The following ATP6V1H variants were observed in gnomAD, a reference collection of about 807,000 sequenced individuals.
The protein encoded by ATP6V1H is V-type proton ATPase subunit H.
In ATP6V1H, 39 loss-of-function variants were observed where a neutral mutation model predicts 71.7. The ratio of observed to expected loss-of-function variants is 0.54; its 90% CI spans 0.42 to 0.71. The LOEUF is 0.71. Among genes scored for constraint, ATP6V1H ranks in the 30% least tolerant of loss-of-function variants. The pLI is 0.00. For missense variants in ATP6V1H, 509 were observed against 594.9 expected (o/e 0.86, Z 1.50); for synonymous variants, 192 against 199.3 (o/e 0.96, Z 0.31).
intron 9 of ATP6V1H, among the ~76,000 whole-genome samples, chr8:53,782,485 A>T (rs1368023176): frequency 1.3e-3 from 205 of 151,956 alleles, no homozygotes; most frequent in African/African-American, 4.8e-3. Flanking sequence ...TGTCATCTGC[A>T]AACAGGGACA....
intron 5 of ATP6V1H, 113 bp from the exon 6 acceptor site, chr8:53,814,879 C>G (rs1382225699): frequency 1.7e-6 from 1 of 600,242 alleles, no homozygotes; most frequent in East Asian, 3.1e-5. Flanking sequence ...AACACTCAAC[C>G]CCTCTAAAAA....
chr8:53,750,642 G>A (rs1460525167), intron 12 of ATP6V1H, among the ~76,000 whole-genome samples: 4 of 151,952 alleles, frequency 2.6e-5, no homozygotes, highest in Admixed American at 6.6e-5. Flanking sequence ...GTTGTCAACC[G>A]ACAAAGGTTA....
chr8:53,829,025 C>A (rs1810910493), intron 4 of ATP6V1H, among the ~76,000 whole-genome samples: 1 of 152,070 alleles, frequency 6.6e-6, no homozygotes, highest in African/African-American at 2.4e-5. Context: ...AAAACTGTTC[C>A]CAAAAGGAAC....
intron 4 of ATP6V1H, among the ~76,000 whole-genome samples, chr8:53,821,479 G>A (rs899589841): frequency 4.6e-5 from 7 of 151,842 alleles, no homozygotes; most frequent in Middle Eastern, 3.4e-3. Context: ...CCAGTATTTC[G>A]AGACCAGCCT....
chr8:53,806,285 T>G (rs1263852866), intron 7 of ATP6V1H, among the ~76,000 whole-genome samples: 3 of 152,024 alleles, frequency 2.0e-5, no homozygotes, highest in Admixed American at 2.0e-4. Flanking sequence ...GACACTGAAA[T>G]CAATTTCTAC....
chr8:53,769,581 C>T, intron 11 of ATP6V1H, 37 bp downstream of exon 11: 2 of 1,576,572 alleles, frequency 1.3e-6, no homozygotes, highest in Non-Finnish European at 1.7e-6. Flanking sequence ...TTTGGGATAA[C>T]AGATATTAAG....
At chr8:53,771,868 T>C (rs1808670730) in intron 10 of ATP6V1H, 121 bp downstream of exon 10, 1 of 827,444 alleles carries the variant, frequency 1.2e-6, no homozygotes, top group Non-Finnish European at 1.9e-6. Flanking sequence ...GACATTAACG[T>C]ATTTTAGTGG....
intron 8 of ATP6V1H, 68 bp downstream of exon 8, chr8:53,801,731 T>C (rs1169266550): frequency 3.1e-6 from 4 of 1,274,880 alleles, no homozygotes; most frequent in Non-Finnish European, 3.3e-6. Context: ...TGATTACATA[T>C]TTCTTTGAAA....
intron 5 of ATP6V1H, 85 bp downstream of exon 5, chr8:53,817,332 G>T: frequency 3.3e-6 from 3 of 913,478 alleles, no homozygotes; most frequent in Non-Finnish European, 4.9e-6. Flanking sequence ...GAGCCCTAAA[G>T]TTCAAGACCA....
intron 4 of ATP6V1H, among the ~76,000 whole-genome samples, chr8:53,825,795 G>A (rs952079939): frequency 2.6e-5 from 4 of 151,852 alleles, no homozygotes; most frequent in Admixed American, 6.5e-5. Context: ...AACTATACAA[G>A]CACTAGAAAA....
At chr8:53,788,910 G>C (rs1036476769) in intron 9 of ATP6V1H, among the ~76,000 whole-genome samples, 2 of 152,228 alleles carry the variant, frequency 1.3e-5, no homozygotes, top group Non-Finnish European at 1.5e-5. Context: ...GTGACTTTTT[G>C]AGCTTTGTAT....
intron 3 of ATP6V1H, among the ~76,000 whole-genome samples, chr8:53,831,549 T>C (rs1585837272): frequency 6.6e-6 from 1 of 152,182 alleles, no homozygotes; most frequent in Non-Finnish European, 1.5e-5. Flanking sequence ...TGTAACACTA[T>C]TACGTTAAGA....
intron 11 of ATP6V1H, among the ~76,000 whole-genome samples, chr8:53,759,491 T>C (rs919534869): frequency 6.6e-6 from 1 of 152,188 alleles, no homozygotes; most frequent in Non-Finnish European, 1.5e-5. Flanking sequence ...CCACAACCCA[T>C]GATTCTATCA....
intron 9 of ATP6V1H, among the ~76,000 whole-genome samples, chr8:53,792,110 TA>T (rs1430570203): frequency 6.6e-6 from 1 of 152,226 alleles, no homozygotes; most frequent in South Asian, 2.1e-4. Context: ...AACTGATTAT[TA>T]TTTTAGCTGG....
chr8:53,805,066 A>G lies in ATP6V1H; in HGVS notation c.580-3170T>C, dbSNP rs547566791. On this transcript the variant is annotated intron_variant, in intron 7 of 13. Coordinates refer to ENST00000359530, the MANE Select transcript of ATP6V1H (RefSeq NM_015941.4). ...TATGCAATAAACGAAACATAAAAACATCAATGATACTGTATGTACAAAGTA... is the reference window on the plus strand; with the variant it reads ...TATGCAATAAACGAAACATAAAAACGTCAATGATACTGTATGTACAAAGTA... Among the ~76,000 whole-genome samples, 3 of 152,396 alleles carry G rather than the reference A, an allele frequency of 2.0e-5. No homozygotes were observed. The East Asian group carries it at 5.8e-4, about 29-fold the overall frequency.
At chr8:53,730,492 A>G (rs1013943030) in intron 13 of ATP6V1H, among the ~76,000 whole-genome samples, 13 of 152,150 alleles carry the variant, frequency 8.5e-5, no homozygotes, top group African/African-American at 3.1e-4. Context: ...AAGTTTTTTT[A>G]GATTATCATT....
intron 9 of ATP6V1H, among the ~76,000 whole-genome samples, chr8:53,792,306 G>A (rs997529761): frequency 6.6e-6 from 1 of 152,130 alleles, no homozygotes; most frequent in South Asian, 2.1e-4. Flanking sequence ...AAACATAATC[G>A]AAAGAAAATC....
intron 9 of ATP6V1H, among the ~76,000 whole-genome samples, chr8:53,774,960 C>T (rs535403539): frequency 4.6e-5 from 7 of 152,322 alleles, no homozygotes; most frequent in South Asian, 2.1e-4. Flanking sequence ...ACCTATGCAA[C>T]GCAAGTGTGT....
chr8:53,725,109 T>C (rs1806766851), intron 13 of ATP6V1H, among the ~76,000 whole-genome samples: 1 of 151,922 alleles, frequency 6.6e-6, no homozygotes, highest in Non-Finnish European at 1.5e-5. Context: ...AATGTGGGAG[T>C]ATTGAGAGGA....
Sources: allele counts gnomAD v4.1 joint callset (sites outside exome capture counted in the v4.1 genomes callset), GRCh38; gene constraint gnomAD v4.1.1; transcripts MANE v1.5; gene names NCBI Gene and HGNC (gene_info 2026-07-23, HGNC 2026-07-21).